The following DLC1 variants were observed in gnomAD, a reference collection of about 807,000 sequenced individuals.
DLC1 encodes the protein DLC1 Rho GTPase activating protein, also known as rho GTPase-activating protein 7.
In DLC1, 54 loss-of-function variants were observed where a neutral mutation model predicts 140.3. That is an observed-to-expected ratio of 0.38 (90% confidence interval 0.31 to 0.48). DLC1 has a LOEUF of 0.48. Ranked by LOEUF, DLC1 falls within the 20% of genes least tolerant of loss-of-function variation. DLC1 has a pLI of 0.96. For missense variants in DLC1, 2,536 were observed against 1,907.0 expected, an observed-to-expected ratio of 1.33 and a Z score of -6.14; for synonymous variants, 986 against 728.1, an observed-to-expected ratio of 1.35 and a Z score of -5.70.
rs1258228400 is a variant in DLC1, at chr8:13,085,753, G to C, written c.*58C>G. The C allele has an allele frequency of 2.5e-6, 4 of 1,608,752 alleles. No individual in the cohort carries two copies. In the African/African-American group the frequency reaches 5.4e-5, roughly 22 times the overall value. ...ACACAGAACCCATTCTTCAAGGACT[G>C]GCAAAAGTTCTAGAAACAAACACCA... On this transcript the variant is annotated 3_prime_UTR_variant, in exon 18 of 18. Transcript: ENST00000276297.
At chr8:13,500,881 A>G (rs966837380) in intron 1 of DLC1, among the ~76,000 whole-genome samples, 9 of 152,212 alleles carry the variant, frequency 5.9e-5, no homozygotes, top group African/African-American at 2.2e-4. Flanking sequence ...ACTAGCTTGC[A>G]AGCTGGTATT....
intron 4 of DLC1, among the ~76,000 whole-genome samples, chr8:13,314,692 A>T (rs1229525483): frequency 6.6e-6 from 1 of 152,220 alleles, no homozygotes; most frequent in Non-Finnish European, 1.5e-5. Context: ...CTTCTGGTAG[A>T]AGCTCAAAAC....
At chr8:13,261,812 T>A (rs901593385) in intron 5 of DLC1, among the ~76,000 whole-genome samples, 1 of 152,240 alleles carries the variant, frequency 6.6e-6, no homozygotes, top group Non-Finnish European at 1.5e-5. Context: ...ATTTTTGACA[T>A]GTTATGTGAT....
intron 2 of DLC1, among the ~76,000 whole-genome samples, chr8:13,437,942 A>C (rs1298558086): frequency 6.8e-6 from 1 of 147,650 alleles, no homozygotes; most frequent in Non-Finnish European, 1.5e-5. Flanking sequence ...CCAGGAAACT[A>C]AAAAAAAAAA....
chr8:13,396,997 G>C (rs1268278431), intron 3 of DLC1, among the ~76,000 whole-genome samples: 1 of 147,610 alleles, frequency 6.8e-6, no homozygotes, highest in Non-Finnish European at 1.5e-5. Flanking sequence ...CTTCCTGCAA[G>C]ACTCCATCTA....
At chr8:13,159,474 T>A (rs867264969) in intron 5 of DLC1, among the ~76,000 whole-genome samples, 15 of 152,270 alleles carry the variant, frequency 9.9e-5, no homozygotes, top group Middle Eastern at 3.4e-3. Context: ...GAGGACTTAG[T>A]GGGCTCTCCG....
At chr8:13,274,192 G>C (rs1831069153) in intron 5 of DLC1, among the ~76,000 whole-genome samples, 1 of 152,172 alleles carries the variant, frequency 6.6e-6, no homozygotes, top group South Asian at 2.1e-4. Flanking sequence ...GAAGCTTGAG[G>C]GAAAGGGATG....
chr8:13,551,306 A>T (rs139921462), intron 1 of DLC1, among the ~76,000 whole-genome samples: 16 of 152,104 alleles, frequency 1.1e-4, no homozygotes, highest in Non-Finnish European at 1.9e-4. Flanking sequence ...ATGTGCACAC[A>T]TATCTCTGGG....
chr8:13,385,964 T>C (rs1407243523), intron 4 of DLC1, among the ~76,000 whole-genome samples: 1 of 152,174 alleles, frequency 6.6e-6, no homozygotes, highest in East Asian at 1.9e-4. Flanking sequence ...GAAAATGGCT[T>C]ACCAGTTATT....
At chr8:13,102,764 T>C in intron 8 of DLC1, 26 bp downstream of exon 8, 1 of 1,601,434 alleles carries the variant, frequency 6.2e-7, no homozygotes, top group East Asian at 2.2e-5. Flanking sequence ...TTCCCCCTCA[T>C]TCTATTATGC....
intron 6 of DLC1, among the ~76,000 whole-genome samples, chr8:13,114,608 AG>A (rs1344889940): frequency 6.6e-6 from 1 of 152,198 alleles, no homozygotes; most frequent in Non-Finnish European, 1.5e-5. Flanking sequence ...CCTAGAGAAA[AG>A]TGAAATGCCT....
intron 15 of DLC1, 86 bp downstream of exon 15, chr8:13,090,166 G>T (rs1817923116): frequency 3.1e-6 from 4 of 1,305,450 alleles, no homozygotes; most frequent in African/African-American, 1.5e-5. Flanking sequence ...TCCCCAGACA[G>T]ATTAGTTGGC....
intron 2 of DLC1, among the ~76,000 whole-genome samples, chr8:13,466,438 C>T (rs1019095197): frequency 1.3e-5 from 2 of 152,242 alleles, no homozygotes; most frequent in African/African-American, 4.8e-5. Flanking sequence ...GGCCAGAGCT[C>T]TCCTACAGAG....
chr8:13,183,286 C>T (rs912653998), intron 5 of DLC1, among the ~76,000 whole-genome samples: 1 of 152,054 alleles, frequency 6.6e-6, no homozygotes, highest in East Asian at 1.9e-4. Flanking sequence ...CTTCCTCATT[C>T]CCTAATTGAA....
intron 1 of DLC1, among the ~76,000 whole-genome samples, chr8:13,539,750 ATG>A (rs71207162): frequency 0.18 from 27,130 of 146,896 alleles, 2,842 homozygotes; most frequent in Admixed American, 0.25. Flanking sequence ...ATGTGTGTGT[ATG>A]TGTGTGTGTG....
chr8:13,266,805 C>T (rs1209992), intron 5 of DLC1, among the ~76,000 whole-genome samples: 98,832 of 152,076 alleles, frequency 0.65, 32,594 homozygotes, highest in East Asian at 0.86. Context: ...TCTAATACAA[C>T]AAAAAACTGT....
chr8:13,479,865 AAG>A (rs1454945517), intron 2 of DLC1, among the ~76,000 whole-genome samples: 327 of 12,858 alleles, frequency 0.025, 11 homozygotes, highest in African/African-American at 0.058. Context: ...AGAAGAGAAA[AAG>A]AAAGAAAGAA....
intron 2 of DLC1, among the ~76,000 whole-genome samples, chr8:13,413,668 G>A (rs1837913147): frequency 6.6e-6 from 1 of 152,120 alleles, no homozygotes; most frequent in South Asian, 2.1e-4. Context: ...TCATGATAGT[G>A]CTTGACTTCT....
At chr8:13,549,426 T>C (rs1169366941) in intron 1 of DLC1, among the ~76,000 whole-genome samples, 3 of 152,300 alleles carry the variant, frequency 2.0e-5, no homozygotes, top group South Asian at 2.1e-4. Flanking sequence ...TATAAAGCTC[T>C]AGATAAGGTA....
Sources: allele counts gnomAD v4.1 joint callset (sites outside exome capture counted in the v4.1 genomes callset), GRCh38; gene constraint gnomAD v4.1.1; transcripts MANE v1.5; gene names NCBI Gene and HGNC (gene_info 2026-07-23, HGNC 2026-07-21).